The following PTK7 variants were observed in gnomAD, a reference collection of about 807,000 sequenced individuals.
The protein encoded by PTK7 is inactive tyrosine-protein kinase 7.
Under a neutral mutation model 116.6 loss-of-function variants are expected in PTK7, and 39 were observed. The ratio of observed to expected loss-of-function variants is 0.33; its 90% confidence interval spans 0.26 to 0.44. PTK7 has a LOEUF of 0.44. PTK7 is among the 20% of genes least tolerant of loss of function. The pLI is 1.00. For synonymous variants in PTK7, 546 were observed against 563.6 expected, an observed-to-expected ratio of 0.97 and a Z score of 0.44; for missense variants, 1,169 against 1,425.6, an observed-to-expected ratio of 0.82 and a Z score of 2.90.
Position 43,129,729 on chromosome 6 carries a change from A to T in PTK7, c.370A>T (p.Ile124Phe). The T allele has an allele frequency of 6.2e-7, 1 of 1,613,898 alleles. No homozygotes were observed. Among genetic ancestry groups the T allele is most frequent in the Non-Finnish European group, 8.5e-7 (1 of 1,179,888 alleles). ...TGCAACCGTGGCCTCTGCTACAGGG[A>T]TTGAGGCAGGTCCTGTGGTCCTGAA... ...SANASFNIKW[I>F]EAGPVVLKHP... Residue 124 changes from isoleucine to phenylalanine, a missense_variant and splice_region_variant, in exon 3 of 20, where the codon ATT (isoleucine) becomes TTT (phenylalanine). Ile to Phe is a conservative substitution (Grantham distance 21, BLOSUM62 0). Around this residue, in one of 3 missense-constraint regions of PTK7, gnomAD observed 487 missense variants for 549.8 expected, o/e 0.89. Transcript: ENST00000230419. This position sits in a 1 kb window ranked among gnomAD's most constrained non-coding sequence, Gnocchi z 4.5.
At chr6:43,131,211 TC>T (rs1466781358) in intron 5 of PTK7, among the ~76,000 whole-genome samples, 1 of 152,124 alleles carries the variant, frequency 6.6e-6, no homozygotes, top group Non-Finnish European at 1.5e-5. Context: ...GGGTGTGGCT[TC>T]CTAGGCTAGG....
At chr6:43,082,496 A>C (rs964049717) in intron 1 of PTK7, among the ~76,000 whole-genome samples, 3 of 151,956 alleles carry the variant, frequency 2.0e-5, no homozygotes, top group African/African-American at 7.3e-5. Flanking sequence ...TTTTAACAAG[A>C]TGCTCAGGTG....
At chr6:43,134,841 T>C (rs1036514536) in intron 7 of PTK7, among the ~76,000 whole-genome samples, 11 of 151,854 alleles carry the variant, frequency 7.2e-5, no homozygotes, top group Admixed American at 5.9e-4. Context: ...TCCCAACTAT[T>C]TGGGAGGCTG....
In PTK7 at chr6:43,139,116, G is replaced by C; in HGVS notation, c.1363-20G>C. The C allele has an allele frequency of 1.9e-6, 3 of 1,613,936 alleles. No homozygotes were observed. In the South Asian group the frequency reaches 3.3e-5, roughly 18 times the overall value. ...GGTGGGTGTGGGTTCAGGCTCTGAG[G>C]CCTCTCACCTGTGCTGCAGGACTCA... On this transcript the variant is annotated intron_variant, in intron 8 of 19. Coordinates refer to ENST00000230419, the MANE Select transcript of PTK7 (RefSeq NM_002821.5). The surrounding 1 kb of genome is among the most constrained non-coding windows in gnomAD (Gnocchi z 4.6).
In PTK7 at chr6:43,141,549, T is replaced by C. The variant is rs565932933; in HGVS notation, c.1619-119T>C. ...ACACTTGGCTCAGGAGTTTGGACTT[T>C]GCCTGTGGGTGGTCAGGAGCGATGG... On this transcript the variant is annotated intron_variant, in intron 10 of 19. Transcript: ENST00000230419. The surrounding 1 kb of genome is among the most constrained non-coding windows in gnomAD (Gnocchi z 4.9). 9.0e-4 allele frequency: 1,123 copies of C among 1,247,646 alleles called. 3 individuals are homozygous for C. Among genetic ancestry groups the C allele is most frequent in the Non-Finnish European group, 1.2e-3 (1,053 of 895,154 alleles). The allele number at this position is 1,247,646 out of a possible 1,614,324, so 77.3% of individuals were successfully genotyped here.
chr6:43,110,943 G>A lies in PTK7; in HGVS notation c.80-18034G>A, dbSNP rs138261295. ...GCTGAAGTCTAATAGTGATCTCTAG[G>A]CATTCATTGGTGCATGAACATTACT... On this transcript the variant is annotated intron_variant, in intron 1 of 19. Transcript: ENST00000230419. Among the ~76,000 whole-genome samples the A allele has an allele frequency of 7.2e-4, 110 of 152,252 alleles. No individual in the cohort carries two copies. In the Middle Eastern group the frequency reaches 0.014, roughly 19 times the overall value.
chr6:43,155,558 C>T (rs979928768), intron 17 of PTK7, among the ~76,000 whole-genome samples: 3 of 149,762 alleles, frequency 2.0e-5, no homozygotes, highest in Admixed American at 1.3e-4. Context: ...GCAGGAGAAT[C>T]GCTTGAACCC....
rs1769543722 is a variant in PTK7 at position 43,129,799 on chromosome 6, C to T, written c.440C>T (p.Thr147Ile). The T allele has an allele frequency of 2.5e-6, 4 of 1,614,210 alleles. No homozygotes were observed. Among genetic ancestry groups the T allele is most frequent in the Non-Finnish European group, 3.4e-6 (4 of 1,180,048 alleles). The change falls in exon 3 of 20, where the codon ACA (threonine) becomes ATA (isoleucine). Residue 147 changes from threonine to isoleucine, a missense_variant. Transcript: ENST00000230419. This position sits in a 1 kb window ranked among gnomAD's most constrained non-coding sequence, Gnocchi z 4.5. ...EAEIQPQTQV[T>I]LRCHIDGHPR... ...GAGATCCAGCCACAGACCCAGGTCACACTTCGTTGCCACATTGATGGGCAC... is the reference window on the plus strand; with the variant it reads ...GAGATCCAGCCACAGACCCAGGTCATACTTCGTTGCCACATTGATGGGCAC...
intron 1 of PTK7, among the ~76,000 whole-genome samples, chr6:43,104,861 G>A (rs1767780369): frequency 7.3e-6 from 1 of 137,084 alleles, no homozygotes; most frequent in African/African-American, 2.8e-5. Context: ...CGCCCAGGCT[G>A]GAGTGCAGTG....
chr6:43,099,167 G>A (rs958147904), intron 1 of PTK7, among the ~76,000 whole-genome samples: 11 of 149,704 alleles, frequency 7.3e-5, no homozygotes, highest in African/African-American at 2.7e-4. Flanking sequence ...AAAAATAAAA[G>A]GACAATAGGT....
intron 1 of PTK7, among the ~76,000 whole-genome samples, chr6:43,108,398 CTT>C (rs1172537819): frequency 2.2e-5 from 3 of 137,304 alleles, no homozygotes; most frequent in Non-Finnish European, 1.6e-5. Flanking sequence ...CCCGGCCAAC[CTT>C]TTTTTTTTTT....
Position 43,143,036 on chromosome 6 carries a change from A to C in PTK7, c.2048-381A>C, listed in dbSNP as rs1770512083. The C allele has an allele frequency of 4.8e-6, 1 of 207,614 alleles. No homozygotes were observed. The highest frequency in any genetic ancestry group is 9.8e-6 in the Non-Finnish European group (1 of 101,750). The allele number at this position is 207,614 out of a possible 1,614,324, so 12.9% of individuals were successfully genotyped here. ...CTTATTGAAAAACCTGCTCTGTGCC[A>C]GGCAGTGCCTGGAATTCTAAACCTG... On this transcript the variant is annotated intron_variant, in intron 13 of 19. Coordinates refer to ENST00000230419, the MANE Select transcript of PTK7 (RefSeq NM_002821.5). The surrounding 1 kb of genome is among the most constrained non-coding windows in gnomAD (Gnocchi z 4.2).
rs555841540 is a variant in PTK7 at position 43,124,106 on chromosome 6, A to G, written c.80-4871A>G. On this transcript the variant is annotated intron_variant, in intron 1 of 19. Coordinates refer to ENST00000230419, the MANE Select transcript of PTK7 (RefSeq NM_002821.5). ...TTGCATGGCATGGCCCGGTGGCAAA[A>G]GAGGAGGCAGCCTCGGGAAGCCCAG... is the stretch of plus-strand genomic sequence containing the variant. Among the ~76,000 whole-genome samples the G allele has an allele frequency of 3.3e-5, 5 of 152,200 alleles. No individual in the cohort carries two copies. The East Asian group carries it at 9.7e-4, about 29-fold the overall frequency.
At chr6:43,147,147 A>T (rs1770774417) in intron 17 of PTK7, among the ~76,000 whole-genome samples, 1 of 152,210 alleles carries the variant, frequency 6.6e-6, no homozygotes, top group African/African-American at 2.4e-5. Context: ...TCTTCTGTGA[A>T]TGGGCTGCCT....
At chr6:43,138,742 G>A in intron 7 of PTK7, 107 bp from the exon 8 acceptor site, 1 of 1,432,962 alleles carries the variant, frequency 7.0e-7, no homozygotes, top group Non-Finnish European at 9.4e-7. Flanking sequence ...GGAGCATGGG[G>A]CTTCTGAACT....
chr6:43,143,188 TC>T lies in PTK7; in HGVS notation c.2048-227del, dbSNP rs1243211805. ...CTTATCCGTGTCGCCTGTCTTGGCTTCCGATGCAAAGCCAGCTTGGGAACCC... is the reference window on the plus strand; with the variant it reads ...CTTATCCGTGTCGCCTGTCTTGGCTTCGATGCAAAGCCAGCTTGGGAACCC... On this transcript the variant is annotated intron_variant, in intron 13 of 19. Transcript: ENST00000230419. This position sits in a 1 kb window ranked among gnomAD's most constrained non-coding sequence, Gnocchi z 4.2. 9 of 508,452 alleles carry T rather than the reference TC, an allele frequency of 1.8e-5. No homozygotes were observed. The highest frequency in any genetic ancestry group is 2.8e-5 in the Non-Finnish European group (8 of 285,740). The allele number at this position is 508,452 out of a possible 1,614,324, so 31.5% of individuals were successfully genotyped here. A position where few individuals can be genotyped will look rare whatever the true frequency, so the allele number is the denominator to read the frequency against.
chr6:43,101,769 G>A (rs1010856159), intron 1 of PTK7, among the ~76,000 whole-genome samples: 2 of 152,124 alleles, frequency 1.3e-5, no homozygotes, highest in African/African-American at 4.8e-5. Flanking sequence ...AGAAACGTTG[G>A]TGTAAAAGTC....
rs1452717696 is a variant in PTK7, at chr6:43,141,649, C to T, written c.1619-19C>T. 7 of 1,611,214 alleles carry T rather than the reference C, an allele frequency of 4.3e-6. No homozygotes were observed. Among genetic ancestry groups the T allele is most frequent in the Non-Finnish European group, 4.2e-6 (5 of 1,177,956 alleles). ...GTAACCCTGATCCTTCCCATAATTT[C>T]CCTTTGTTACCCCTGCAGATGGGAG... On this transcript the variant is annotated intron_variant, in intron 10 of 19. Transcript: ENST00000230419. This position sits in a 1 kb window ranked among gnomAD's most constrained non-coding sequence, Gnocchi z 4.9.
At chr6:43,159,114 A>C in intron 18 of PTK7, 146 bp downstream of exon 18, 4 of 1,083,192 alleles carry the variant, frequency 3.7e-6, no homozygotes, top group Non-Finnish European at 5.2e-6. Context: ...GAGCTTTCTC[A>C]TCCTTTTTCC....
Sources: allele counts gnomAD v4.1 joint callset (sites outside exome capture counted in the v4.1 genomes callset), GRCh38; gene constraint gnomAD v4.1.1; regional missense constraint gnomAD v4.1.1; non-coding constraint Gnocchi (gnomAD v3.1); transcripts MANE v1.5; gene names NCBI Gene and HGNC (gene_info 2026-07-23, HGNC 2026-07-21).